The following GABRB2 variants were observed in gnomAD, a reference collection of about 807,000 sequenced individuals.
GABRB2 encodes the protein gamma-aminobutyric acid receptor subunit beta-2.
A neutral mutation model predicts 54.7 loss-of-function variants in GABRB2; 16 were observed. The ratio of observed to expected loss-of-function variants is 0.29; its 90% CI spans 0.20 to 0.44. The LOEUF (loss-of-function observed/expected upper bound fraction) is 0.44. GABRB2 is among the 20% of genes least tolerant of loss of function. The probability of loss-of-function intolerance (pLI) is 1.00; values close to 1 mark genes in which losing one functional copy is unlikely to be tolerated. For missense variants in GABRB2, 355 were observed against 644.0 expected, an observed-to-expected ratio of 0.55 and a Z score of 4.86; for synonymous variants, 244 against 233.8, an observed-to-expected ratio of 1.04 and a Z score of -0.40.
At chr5:161,365,277 T>C (rs1326429101) in intron 5 of GABRB2, among the ~76,000 whole-genome samples, 2 of 152,168 alleles carry the variant, frequency 1.3e-5, no homozygotes, top group Non-Finnish European at 2.9e-5. Flanking sequence ...CCAGATGAAA[T>C]GGCTTAGAGG....
At chr5:161,468,124 C>T (rs1267026457) in intron 3 of GABRB2, among the ~76,000 whole-genome samples, 7 of 151,998 alleles carry the variant, frequency 4.6e-5, no homozygotes, top group South Asian at 2.1e-4. Context: ...TCCTGTAATG[C>T]CATTGTTACT....
intron 2 of GABRB2, among the ~76,000 whole-genome samples, chr5:161,545,959 C>T (rs1760972359): frequency 6.6e-6 from 1 of 152,180 alleles, no homozygotes; most frequent in Admixed American, 6.5e-5. Context: ...CACGTCTTGT[C>T]CTAAAAAATG....
At chr5:161,395,442 A>G (rs560288132) in intron 5 of GABRB2, among the ~76,000 whole-genome samples, 5 of 152,262 alleles carry the variant, frequency 3.3e-5, no homozygotes, top group African/African-American at 1.2e-4. Flanking sequence ...GAGATTTACA[A>G]TGCTTCGCCC....
At chr5:161,525,261 C>T (rs959357806) in intron 3 of GABRB2, among the ~76,000 whole-genome samples, 1 of 151,200 alleles carries the variant, frequency 6.6e-6, no homozygotes, top group African/African-American at 2.4e-5. Flanking sequence ...TTGGCCAACA[C>T]GAGTTAAATA....
chr5:161,323,935 A>G (rs1023021291), intron 9 of GABRB2, among the ~76,000 whole-genome samples: 10 of 152,198 alleles, frequency 6.6e-5, no homozygotes, highest in African/African-American at 2.4e-4. Flanking sequence ...AACCTAGCAA[A>G]TCCATTTTAA....
At chr5:161,527,424 AT>A (rs937553161) in intron 3 of GABRB2, among the ~76,000 whole-genome samples, 4 of 151,484 alleles carry the variant, frequency 2.6e-5, no homozygotes, top group African/African-American at 7.3e-5. Flanking sequence ...TTTTAAAAAT[AT>A]TGGTGTGGAG....
chr5:161,379,682 A>G (rs1755410145), intron 5 of GABRB2, among the ~76,000 whole-genome samples: 1 of 152,266 alleles, frequency 6.6e-6, no homozygotes, highest in African/African-American at 2.4e-5. Context: ...CATTAAAATA[A>G]GTTTTCACTG....
intron 5 of GABRB2, among the ~76,000 whole-genome samples, chr5:161,410,447 C>G (rs935852058): frequency 1.3e-5 from 2 of 151,348 alleles, no homozygotes; most frequent in Non-Finnish European, 2.9e-5. Context: ...CATCAGATGG[C>G]CTTCAGCAAA....
intron 5 of GABRB2, among the ~76,000 whole-genome samples, chr5:161,352,527 A>G (rs1320873466): frequency 6.6e-6 from 1 of 152,082 alleles, no homozygotes; most frequent in Non-Finnish European, 1.5e-5. Flanking sequence ...AGTAGAGAGT[A>G]GAATGACGGT....
At chr5:161,452,709 G>A (rs1410205821) in intron 4 of GABRB2, among the ~76,000 whole-genome samples, 1 of 150,846 alleles carries the variant, frequency 6.6e-6, no homozygotes, top group African/African-American at 2.4e-5. Flanking sequence ...TTTTTTAATT[G>A]TAGGCCAAGC....
chr5:161,523,867 T>G (rs1760192295), intron 3 of GABRB2, among the ~76,000 whole-genome samples: 1 of 151,378 alleles, frequency 6.6e-6, no homozygotes, highest in Non-Finnish European at 1.5e-5. Flanking sequence ...GGAAATATTC[T>G]GAGTAGATAC....
chr5:161,522,428 G>A (rs142654700), intron 3 of GABRB2, among the ~76,000 whole-genome samples: 4 of 151,780 alleles, frequency 2.6e-5, no homozygotes, highest in African/African-American at 9.6e-5. Flanking sequence ...CACTTATTCT[G>A]AAAAACAATT....
At chr5:161,317,715 C>A (rs1758083952) in intron 9 of GABRB2, among the ~76,000 whole-genome samples, 1 of 151,880 alleles carries the variant, frequency 6.6e-6, no homozygotes, top group African/African-American at 2.4e-5. Flanking sequence ...GGAAAAATAT[C>A]TGAAATACAC....
chr5:161,344,730 A>G (rs1754267904), intron 5 of GABRB2, among the ~76,000 whole-genome samples: 1 of 152,094 alleles, frequency 6.6e-6, no homozygotes. Flanking sequence ...TTCTACTATA[A>G]AGACACATGT....
intron 4 of GABRB2, among the ~76,000 whole-genome samples, chr5:161,448,851 G>A (rs950720895): frequency 1.3e-5 from 2 of 152,136 alleles, no homozygotes; most frequent in African/African-American, 4.8e-5. Context: ...AGTTACACCT[G>A]AGGAATGTAC....
chr5:161,389,068 A>ACG (rs1255101416), intron 5 of GABRB2, among the ~76,000 whole-genome samples: 1 of 152,042 alleles, frequency 6.6e-6, no homozygotes, highest in Non-Finnish European at 1.5e-5. Context: ...GTCATTAACC[A>ACG]GATCAGTGAC....
chr5:161,388,923 T>G (rs1031352501), intron 5 of GABRB2, among the ~76,000 whole-genome samples: 14 of 152,046 alleles, frequency 9.2e-5, no homozygotes, highest in African/African-American at 3.1e-4. Context: ...GAATAATTCT[T>G]TTTTATAATG....
At chr5:161,392,322 A>G (rs1755850835) in intron 5 of GABRB2, among the ~76,000 whole-genome samples, 1 of 152,228 alleles carries the variant, frequency 6.6e-6, no homozygotes, top group Non-Finnish European at 1.5e-5. Flanking sequence ...TCTTCTTCAT[A>G]TGGAAATGAT....
chr5:161,524,344 T>C (rs1030787533), intron 3 of GABRB2, among the ~76,000 whole-genome samples: 26 of 151,788 alleles, frequency 1.7e-4, no homozygotes, highest in Admixed American at 1.5e-3. Context: ...TAGAACTCTT[T>C]AAACAATGAT....
Sources: gnomAD v4.1 joint callset for allele counts (sites outside exome capture counted in the v4.1 genomes callset) on GRCh38, gnomAD v4.1.1 for gene constraint, MANE v1.5 for transcripts, NCBI Gene and HGNC (gene_info 2026-07-23, HGNC 2026-07-21) for gene names.